Variants in ZFYVE28 observed in about 807,000 individuals in gnomAD.
The protein encoded by ZFYVE28 is lateral signaling target protein 2 homolog.
A neutral mutation model predicts 82.1 loss-of-function variants in ZFYVE28; 40 were observed. That is an observed-to-expected ratio of 0.49 (90% CI 0.38 to 0.63). The LOEUF is 0.63. Ranked by LOEUF, ZFYVE28 falls within the 30% of genes least tolerant of loss-of-function variation. ZFYVE28 has a pLI of 0.00. For missense variants in ZFYVE28, 1,321 were observed against 1,242.1 expected (o/e 1.06, Z -0.96); for synonymous variants, 612 against 546.1 (o/e 1.12, Z -1.68).
chr4:2,342,339 G>A (rs1309164471), intron 2 of ZFYVE28, among the ~76,000 whole-genome samples: 1 of 152,172 alleles, frequency 6.6e-6, no homozygotes, highest in Non-Finnish European at 1.5e-5. Context: ...AGGTCACTTC[G>A]CCTCTCTGAT....
chr4:2,309,101 G>A (rs1220747210), intron 7 of ZFYVE28, among the ~76,000 whole-genome samples: 1 of 152,194 alleles, frequency 6.6e-6, no homozygotes, highest in Non-Finnish European at 1.5e-5. Context: ...TAGAGGTGGT[G>A]TCTTTAAGAG....
intron 1 of ZFYVE28, among the ~76,000 whole-genome samples, chr4:2,366,486 G>A (rs1363825184): frequency 2.0e-5 from 3 of 152,166 alleles, no homozygotes; most frequent in African/African-American, 4.8e-5. Context: ...CCGTCTCCCG[G>A]CCAAGTTGCT....
chr4:2,338,603 T>C (rs1026333019), intron 4 of ZFYVE28, among the ~76,000 whole-genome samples: 3 of 152,002 alleles, frequency 2.0e-5, no homozygotes, highest in African/African-American at 7.2e-5. Flanking sequence ...AGAAAATAAA[T>C]AAATAAATAA....
chr4:2,416,682 G>C lies in ZFYVE28; in HGVS notation c.39+1603C>G, dbSNP rs539456192. On this transcript the variant is annotated intron_variant, in intron 1 of 12. Coordinates refer to ENST00000290974, the MANE Select transcript of ZFYVE28 (RefSeq NM_020972.3). This position sits in a 1 kb window ranked among gnomAD's most constrained non-coding sequence, Gnocchi z 4.6. The stretch of plus-strand genomic sequence containing the variant: ...GCAGGAGGAGAGGCTGGGCGCAGAC[G>C]GCTCGGCCCCAAACCACACCCAGCG... Among the ~76,000 whole-genome samples, 4 of 152,166 alleles carry C rather than the reference G, an allele frequency of 2.6e-5. No homozygotes were observed. The highest frequency in any genetic ancestry group is 6.5e-5 in the Admixed American group (1 of 15,282).
At chr4:2,313,271 T>A (rs753693593) in intron 7 of ZFYVE28, among the ~76,000 whole-genome samples, 32 of 151,924 alleles carry the variant, frequency 2.1e-4, no homozygotes, top group Admixed American at 2.0e-4. Context: ...TTAATTAATT[T>A]ATTTATTTAG....
rs186397940 is a variant in ZFYVE28 at position 2,341,796 on chromosome 4, G to A, written c.181-181C>T. On this transcript the variant is annotated intron_variant, in intron 2 of 12. Coordinates refer to ENST00000290974, the MANE Select transcript of ZFYVE28 (RefSeq NM_020972.3). The surrounding 1 kb of genome is among the most constrained non-coding windows in gnomAD (Gnocchi z 4.5). ...GCACTTTGGGAGGCCGAGGCGGGTG[G>A]TTTACCTGAGGTTAGGAGTTTGAGA... is the stretch of plus-strand genomic sequence containing the variant. Among the ~76,000 whole-genome samples, 4 of 152,330 alleles carry A rather than the reference G, an allele frequency of 2.6e-5. No individual in the cohort carries two copies. The highest frequency in any genetic ancestry group is 9.6e-5 in the African/African-American group (4 of 41,578).
chr4:2,343,107 C>T (rs1327120791), intron 2 of ZFYVE28: 2 of 152,320 alleles, frequency 1.3e-5, no homozygotes, highest in African/African-American at 2.4e-5. Context: ...TGGACACTGA[C>T]GATGTGCCTA....
Position 2,399,087 on chromosome 4 carries a change from T to TGAGATCCAGGGCACAAGCGTGGAGGG in ZFYVE28, c.39+19197_39+19198insCCCTCCACGCTTGTGCCCTGGATCTC, listed in dbSNP as rs1560338905. Among the ~76,000 whole-genome samples, 61 of 24,240 alleles carry TGAGATCCAGGGCACAAGCGTGGAGGG rather than the reference T, an allele frequency of 2.5e-3. 3 individuals carry two copies. The highest frequency in any genetic ancestry group is 3.5e-3 in the African/African-American group (13 of 3,700). The allele number at this position is 24,240 out of a possible 152,430, so 15.9% of individuals were successfully genotyped here. ...GAGATCCAGGGCACAAGCGTGAAGGTGAGATCCAGGGCACAAGCTGGGGCA... is the reference window on the plus strand; with the variant it reads ...GAGATCCAGGGCACAAGCGTGAAGGTGAGATCCAGGGCACAAGCGTGGAGGGGAGATCCAGGGCACAAGCTGGGGCA... On this transcript the variant is annotated intron_variant, in intron 1 of 12. Coordinates refer to ENST00000290974, the MANE Select transcript of ZFYVE28 (RefSeq NM_020972.3).
chr4:2,277,181 C>CT (rs931212806), intron 8 of ZFYVE28, among the ~76,000 whole-genome samples: 2 of 152,110 alleles, frequency 1.3e-5, no homozygotes, highest in African/African-American at 2.4e-5. Flanking sequence ...TCAATAAAGG[C>CT]TTTTTTTTAA....
At chr4:2,319,636 C>T (rs1718751039) in intron 7 of ZFYVE28, among the ~76,000 whole-genome samples, 1 of 152,214 alleles carries the variant, frequency 6.6e-6, no homozygotes, top group Non-Finnish European at 1.5e-5. Flanking sequence ...CACGGCTGGG[C>T]TCTGTCGGCT....
intron 7 of ZFYVE28, chr4:2,316,185 C>G (rs1336647300): frequency 6.6e-6 from 1 of 151,606 alleles, no homozygotes; most frequent in Non-Finnish European, 1.5e-5. Flanking sequence ...CTTCCCCTTT[C>G]TTTCTTTCTT....
Position 2,320,207 on chromosome 4 carries a change from G to C in ZFYVE28, c.766C>G (p.Leu256Val). Residue 256 changes from leucine (L) to valine (V), a missense_variant, in exon 7 of 13, where the codon CTG becomes GTG. Leu to Val is a conservative substitution (Grantham distance 32). This residue lies in a region of ZFYVE28 where 343 missense variants were observed against 408.4 expected (regional missense o/e 0.84). Coordinates refer to ENST00000290974, the MANE Select transcript of ZFYVE28 (RefSeq NM_020972.3). This position sits in a 1 kb window ranked among gnomAD's most constrained non-coding sequence, Gnocchi z 5.1. ...LDRKVEDMSE[L>V]FRPFHTLLRK... is the part of the protein sequence containing the mutation. ...AGCAACGTGTGGAAGGGCCGGAACA[G>C]CTCGGACATGTCTTCCACCTTGCGG... 6.2e-7 allele frequency: 1 copy of C among 1,611,236 alleles called. No homozygotes were observed. Among genetic ancestry groups the C allele is most frequent in the Non-Finnish European group, 8.5e-7 (1 of 1,178,652 alleles).
At chr4:2,395,213 A>AGGG (rs1211504492) in intron 1 of ZFYVE28, among the ~76,000 whole-genome samples, 5 of 56,828 alleles carry the variant, frequency 8.8e-5, no homozygotes, top group Admixed American at 2.3e-4. Flanking sequence ...TGCAGAGCAG[A>AGGG]CAGTGAGGGC....
At chr4:2,401,054 G>C (rs1320009598) in intron 1 of ZFYVE28, among the ~76,000 whole-genome samples, 1 of 152,218 alleles carries the variant, frequency 6.6e-6, no homozygotes, top group Non-Finnish European at 1.5e-5. Context: ...CACACCCTGA[G>C]AATGTCCCCA....
intron 7 of ZFYVE28, among the ~76,000 whole-genome samples, chr4:2,313,199 G>A (rs1717735894): frequency 6.6e-6 from 1 of 151,034 alleles, no homozygotes; most frequent in Admixed American, 6.6e-5. Flanking sequence ...TTCACTGTGG[G>A]TTTCTTTACG....
chr4:2,376,654 C>T (rs553120201), intron 1 of ZFYVE28, among the ~76,000 whole-genome samples: 2 of 152,276 alleles, frequency 1.3e-5, no homozygotes, highest in African/African-American at 4.8e-5. Flanking sequence ...TGTCATGAGA[C>T]GAGCATGGGG....
intron 8 of ZFYVE28, among the ~76,000 whole-genome samples, chr4:2,302,303 A>AT (rs1715683040): frequency 6.6e-6 from 1 of 152,218 alleles, no homozygotes; most frequent in South Asian, 2.1e-4. Context: ...TTATTTATAG[A>AT]TTTGACTGGG....
chr4:2,388,518 C>T (rs961777632), intron 1 of ZFYVE28, among the ~76,000 whole-genome samples: 1 of 152,150 alleles, frequency 6.6e-6, no homozygotes, highest in Non-Finnish European at 1.5e-5. Context: ...CATGCCAGGA[C>T]GGTGTCACTC....
chr4:2,374,162 C>G (rs1350721528), intron 1 of ZFYVE28, among the ~76,000 whole-genome samples: 2 of 152,210 alleles, frequency 1.3e-5, no homozygotes, highest in African/African-American at 4.8e-5. Flanking sequence ...GTAGGTGCAG[C>G]CCTTCCAATC....
Sources: allele counts gnomAD v4.1 joint callset (sites outside exome capture counted in the v4.1 genomes callset), GRCh38; gene constraint gnomAD v4.1.1; regional missense constraint gnomAD v4.1.1; non-coding constraint Gnocchi (gnomAD v3.1); transcripts MANE v1.5; gene names NCBI Gene and HGNC (gene_info 2026-07-23, HGNC 2026-07-21).